Variants in MTMR12 observed in about 807,000 individuals in gnomAD.
MTMR12 encodes the protein myotubularin related protein 12.
In MTMR12, 33 loss-of-function variants were observed where a neutral mutation model predicts 96.7. The observed-to-expected ratio is 0.34, with a 90% CI of 0.26 to 0.46. MTMR12 has a LOEUF of 0.46. MTMR12 is among the 20% of genes least tolerant of loss of function. MTMR12 has a pLI of 1.00. For missense variants in MTMR12, 721 were observed against 896.1 expected, an observed-to-expected ratio of 0.80 and a Z score of 2.49; for synonymous variants, 298 against 327.2, an observed-to-expected ratio of 0.91 and a Z score of 0.96.
At chr5:32,301,170 G>A (rs1005981837) in intron 1 of MTMR12, among the ~76,000 whole-genome samples, 1 of 152,194 alleles carries the variant, frequency 6.6e-6, no homozygotes, top group Non-Finnish European at 1.5e-5. Flanking sequence ...TGACAGGTAG[G>A]TAGGTAGGTA....
intron 8 of MTMR12, among the ~76,000 whole-genome samples, chr5:32,255,393 G>T (rs1464843513): frequency 6.6e-6 from 1 of 152,160 alleles, no homozygotes; most frequent in African/African-American, 2.4e-5. Context: ...GCGTGCTTTG[G>T]CTCAGGTTCA....
intron 13 of MTMR12, among the ~76,000 whole-genome samples, chr5:32,237,995 T>C (rs1581590144): frequency 6.6e-6 from 1 of 151,084 alleles, no homozygotes; most frequent in Admixed American, 6.6e-5. Context: ...ATACAAAAAA[T>C]TCGCCAGGCA....
rs377048838 is a variant in MTMR12 at position 32,261,860 on chromosome 5, C to G, written c.713+1253G>C. On this transcript the variant is annotated intron_variant, in intron 7 of 15. Coordinates refer to ENST00000382142, the MANE Select transcript of MTMR12 (RefSeq NM_001040446.3). ...GGCCGAGGCGGGCAGATCACAAGGT[C>G]AGGAGATCAAGACCATCCTGGCTAA... Among the ~76,000 whole-genome samples the G allele has an allele frequency of 4.4e-4, 67 of 152,322 alleles. No homozygotes were observed. The East Asian group carries it at 8.3e-3, about 19-fold the overall frequency.
chr5:32,268,576 T>A (rs556891889), intron 6 of MTMR12, 125 bp downstream of exon 6: 2 of 634,450 alleles, frequency 3.2e-6, no homozygotes, highest in South Asian at 4.1e-5. Context: ...AAGCAAGGGG[T>A]GACCAATTGG....
intron 1 of MTMR12, among the ~76,000 whole-genome samples, chr5:32,294,327 G>C (rs1345636515): frequency 6.6e-6 from 1 of 151,556 alleles, no homozygotes; most frequent in Non-Finnish European, 1.5e-5. Context: ...TTTAAAGACA[G>C]AGTCTCCCTC....
rs1749804035 is a variant in MTMR12 at position 32,270,875 on chromosome 5, T to C, written c.431A>G (p.Lys144Arg). The change falls in exon 5 of 16, where the codon AAA becomes AGA. Residue 144 changes from lysine to arginine, a missense_variant. Physicochemically the swap from Lys to Arg is conservative, Grantham distance 26 (BLOSUM62 2). Coordinates refer to ENST00000382142, the MANE Select transcript of MTMR12 (RefSeq NM_001040446.3). The stretch of plus-strand genomic sequence containing the variant: ...ACAAAACTGGAACACTCGAAGGTCT[T>C]TGCAGTGGATGATGAGCTTCTCAGG... ...KYPEKLIIHC[K>R]DLRVFQFCLR... is the part of the protein sequence containing the mutation. The C allele has an allele frequency of 6.8e-6, 11 of 1,614,134 alleles. No individual in the cohort carries two copies. The highest frequency in any genetic ancestry group is 9.3e-6 in the Non-Finnish European group (11 of 1,179,986).
At chr5:32,257,469 T>TG (rs1435257397) in intron 7 of MTMR12, among the ~76,000 whole-genome samples, 1 of 151,806 alleles carries the variant, frequency 6.6e-6, no homozygotes, top group Non-Finnish European at 1.5e-5. Flanking sequence ...TACTTGAAAT[T>TG]TTGCATTTAA....
In MTMR12 at chr5:32,231,959, G is replaced by A. The variant is rs1360879156; in HGVS notation, c.1675-1612C>T. On this transcript the variant is annotated intron_variant, in intron 15 of 15. Coordinates refer to ENST00000382142, the MANE Select transcript of MTMR12 (RefSeq NM_001040446.3). ...GCACAGAGGTAAGCAATCTGCCGAA[G>A]GCACTGCTGCTCAGTGCCAAAGGTG... 2.0e-5 allele frequency among the ~76,000 whole-genome samples: 3 copies of A among 152,244 alleles called. No homozygotes were observed. The East Asian group carries it at 5.8e-4, about 29-fold the overall frequency.
chr5:32,230,054 G>C lies in MTMR12; in HGVS notation c.1968C>G (p.Gly656=), dbSNP rs1169008076. 1 of 1,613,382 alleles carries C rather than the reference G, an allele frequency of 6.2e-7. No homozygotes were observed. Among genetic ancestry groups the C allele is most frequent in the South Asian group, 1.1e-5 (1 of 91,060 alleles). Residue 656 remains glycine, a synonymous_variant, in exon 16 of 16, where the codon GGC becomes GGG. Coordinates refer to ENST00000382142, the MANE Select transcript of MTMR12 (RefSeq NM_001040446.3). ...AGAGTTTGCTCAGAGTGGCCACTTG[G>C]CCACCACCTAGGATTTGGGCTTCTG... ...WIPEAQILGG[G]QVATLSKLLE... is the part of the protein sequence containing the mutation.
At chr5:32,250,431 G>A (rs985155001) in intron 8 of MTMR12, among the ~76,000 whole-genome samples, 2 of 152,164 alleles carry the variant, frequency 1.3e-5, no homozygotes, top group African/African-American at 4.8e-5. Flanking sequence ...ATGATGAGGT[G>A]GAAGTGTTAG....
chr5:32,235,622 G>A (rs954962063), intron 13 of MTMR12, among the ~76,000 whole-genome samples: 2 of 152,178 alleles, frequency 1.3e-5, no homozygotes, highest in Non-Finnish European at 2.9e-5. Flanking sequence ...GTTTGATCTT[G>A]GAGACCAACG....
intron 8 of MTMR12, among the ~76,000 whole-genome samples, chr5:32,249,585 T>C (rs962079779): frequency 2.6e-5 from 4 of 151,988 alleles, no homozygotes; most frequent in Admixed American, 6.6e-5. Context: ...TAAAATAAGG[T>C]AGAATGTATT....
chr5:32,247,421 C>G (rs1209669736), intron 10 of MTMR12, among the ~76,000 whole-genome samples: 1 of 152,068 alleles, frequency 6.6e-6, no homozygotes, highest in African/African-American at 2.4e-5. Context: ...AAGACTCATT[C>G]CAGAATGAAG....
Position 32,312,808 on chromosome 5 carries a change from C to T in MTMR12, c.31G>A (p.Gly11Ser). Residue 11 changes from glycine (G) to serine (S), a missense_variant, in exon 1 of 16, where the codon GGC (glycine) becomes AGC (serine). Coordinates refer to ENST00000382142, the MANE Select transcript of MTMR12 (RefSeq NM_001040446.3). The surrounding 1 kb of genome is among the most constrained non-coding windows in gnomAD (Gnocchi z 5.0). Reference sequence around the variant, plus strand: ...GAGGGCTTGGGGGCCTTGGTGCCGCCGCCACCGCCGACTACTCCTTTCCCC... The same window carrying T: ...GAGGGCTTGGGGGCCTTGGTGCCGCTGCCACCGCCGACTACTCCTTTCCCC... MLGKGVVGGG[G>S]GTKAPKPSFV... is the part of the protein sequence containing the mutation. The T allele has an allele frequency of 6.5e-7, 1 of 1,533,262 alleles. No homozygotes were observed. The allele number at this position is 1,533,262 out of a possible 1,614,324, so 95.0% of individuals were successfully genotyped here.
At chr5:32,230,465 T>C in intron 15 of MTMR12, 118 bp from the exon 16 acceptor site, 1 of 985,134 alleles carries the variant, frequency 1.0e-6, no homozygotes, top group Non-Finnish European at 1.5e-6. Flanking sequence ...ACATCAGTGT[T>C]GCCATGTGAA....
intron 1 of MTMR12, among the ~76,000 whole-genome samples, chr5:32,292,354 A>C (rs553762390): frequency 1.4e-4 from 21 of 152,186 alleles, no homozygotes; most frequent in Non-Finnish European, 3.1e-4. Flanking sequence ...CCACTAGCAA[A>C]ATTTTTGCCT....
chr5:32,305,930 G>A (rs1002634975), intron 1 of MTMR12, among the ~76,000 whole-genome samples: 16 of 151,554 alleles, frequency 1.1e-4, no homozygotes, highest in Admixed American at 5.3e-4. Flanking sequence ...CTGGGATACC[G>A]CAAGTGCTGA....
intron 6 of MTMR12, 55 bp downstream of exon 6, chr5:32,268,646 G>T: frequency 6.9e-7 from 1 of 1,457,866 alleles, no homozygotes; most frequent in Non-Finnish European, 9.6e-7. Context: ...CTGGCTTCAG[G>T]TGGGAATTGG....
chr5:32,273,598 A>G (rs764021655), intron 3 of MTMR12, among the ~76,000 whole-genome samples: 27 of 152,236 alleles, frequency 1.8e-4, no homozygotes, highest in Non-Finnish European at 3.2e-4. Flanking sequence ...CATGAGGTCA[A>G]AAGTAAGCCA....
Sources: gnomAD v4.1 joint callset for allele counts (sites outside exome capture counted in the v4.1 genomes callset) on GRCh38, gnomAD v4.1.1 for gene constraint, Gnocchi (gnomAD v3.1) non-coding constraint, MANE v1.5 for transcripts, NCBI Gene and HGNC (gene_info 2026-07-23, HGNC 2026-07-21) for gene names.